PIGN: variants seen among roughly 807,000 people sequenced by gnomAD.
PIGN encodes the protein phosphatidylinositol glycan anchor biosynthesis class N, also known as GPI ethanolamine phosphate transferase 1.
PIGN carries 117 observed loss-of-function variants against 125.4 expected under a neutral mutation model. That is an observed-to-expected ratio of 0.93 (90% confidence interval 0.80 to 1.09). PIGN has a LOEUF of 1.09. Ranked by LOEUF, PIGN falls within the 50% of genes least tolerant of loss-of-function variation. PIGN has a pLI of 0.00. For missense variants in PIGN, 1,075 were observed against 1,094.9 expected (o/e 0.98, Z 0.26); for synonymous variants, 392 against 377.8 (o/e 1.04, Z -0.44).
intron 1 of PIGN, among the ~76,000 whole-genome samples, chr18:62,166,337 C>A (rs191449425): frequency 8.1e-4 from 124 of 152,360 alleles, no homozygotes; most frequent in Non-Finnish European, 1.6e-3. Context: ...TCTGATCACT[C>A]TGAAGTAGGC....
intron 29 of PIGN, among the ~76,000 whole-genome samples, chr18:62,073,735 C>G (rs1327583242): frequency 6.6e-6 from 1 of 152,130 alleles, no homozygotes; most frequent in Non-Finnish European, 1.5e-5. Context: ...TGGGAAGCTA[C>G]CCTTATTAGT....
chr18:62,055,636 C>T lies in PIGN; in HGVS notation c.2673-9657G>A, dbSNP rs555993192. Among the ~76,000 whole-genome samples the T allele has an allele frequency of 5.3e-5, 8 of 152,150 alleles. No homozygotes were observed. The South Asian group carries it at 1.7e-3, about 32-fold the overall frequency. On this transcript the variant is annotated intron_variant, in intron 30 of 30. Transcript: ENST00000640252. ...ATACTATAGTTCTGCATAAAGTTAC[C>T]ACTGGGGGGAAATAAGGTAGAGGGT...
chr18:62,102,211 G>C (rs1390493209), intron 21 of PIGN, among the ~76,000 whole-genome samples: 2 of 150,588 alleles, frequency 1.3e-5, no homozygotes, highest in Non-Finnish European at 3.0e-5. Flanking sequence ...TGGGTGACAG[G>C]AGTAAGACCT....
intron 17 of PIGN, 130 bp from the exon 18 acceptor site, chr18:62,107,215 T>C: frequency 1.5e-6 from 1 of 648,066 alleles, no homozygotes; most frequent in South Asian, 2.0e-5. Flanking sequence ...TAAAATAAGC[T>C]CTAACGGATT....
At position 62,051,479 on chromosome 18, in the gene PIGN, T is replaced by G. The variant is rs1278762683; in HGVS notation, c.2673-5500A>C. 2.3e-4 allele frequency among the ~76,000 whole-genome samples: 35 copies of G among 152,324 alleles called. 1 individual carries two copies. The South Asian group carries it at 7.0e-3, about 31-fold the overall frequency. On this transcript the variant is annotated intron_variant, in intron 30 of 30. Transcript: ENST00000640252. ...ATCCATTTCTTCTAGATTTTCTAGT[T>G]TATTTGCATAGAGGTGTTTGTAGTA...
At chr18:62,106,686 C>T (rs1420052110) in intron 19 of PIGN, 103 bp downstream of exon 19, 4 of 724,912 alleles carry the variant, frequency 5.5e-6, no homozygotes, top group Non-Finnish European at 9.3e-6. Context: ...TATGTAAGAA[C>T]ACATTCTACC....
intron 1 of PIGN, among the ~76,000 whole-genome samples, chr18:62,185,026 C>T (rs1289491352): frequency 6.6e-6 from 1 of 152,184 alleles, no homozygotes; most frequent in Non-Finnish European, 1.5e-5. Flanking sequence ...GGGATCTGAA[C>T]TTAAGCTTTT....
intron 27 of PIGN, 22 bp downstream of exon 27, chr18:62,084,509 A>G (rs1465389838): frequency 7.0e-7 from 1 of 1,420,064 alleles, no homozygotes; most frequent in Non-Finnish European, 9.7e-7. Context: ...CTTAAGACAA[A>G]TAACAAAATA....
At chr18:62,108,634 A>G (rs1310597673) in intron 17 of PIGN, among the ~76,000 whole-genome samples, 1 of 151,888 alleles carries the variant, frequency 6.6e-6, no homozygotes, top group Non-Finnish European at 1.5e-5. Context: ...TCTGTCGCTC[A>G]GGCTGGAGTG....
chr18:62,051,675 G>T (rs1218228710), intron 30 of PIGN: 2 of 152,010 alleles, frequency 1.3e-5, no homozygotes, highest in African/African-American at 4.8e-5. Context: ...TTAATTTTTT[G>T]AAGGGTTTTT....
Position 62,187,046 on chromosome 18 carries a change from C to A in PIGN, c.-438G>T. 6.5e-6 allele frequency: 1 copy of A among 153,536 alleles called. No homozygotes were observed. Among genetic ancestry groups the A allele is most frequent in the Non-Finnish European group, 1.5e-5 (1 of 68,888 alleles). 9.5% of individuals were successfully genotyped at this position (153,536 alleles called of 1,614,324 possible). ...ACCTGCCCGGCCGCTGCTGCTATCG[C>A]GATAATTCTCGGGCCAGTCTCCCGT... On this transcript the variant is annotated 5_prime_UTR_variant, in exon 1 of 31. Coordinates refer to ENST00000640252, the MANE Select transcript of PIGN (RefSeq NM_176787.5).
intron 30 of PIGN, among the ~76,000 whole-genome samples, chr18:62,056,090 T>A (rs1379444330): frequency 6.8e-6 from 1 of 146,264 alleles, no homozygotes; most frequent in South Asian, 2.2e-4. Flanking sequence ...GCAATTACTT[T>A]TGCACCAACC....
chr18:62,040,396 T>C (rs761148201), downstream of PIGN, among the ~76,000 whole-genome samples: 6 of 152,214 alleles, frequency 3.9e-5, no homozygotes, highest in Non-Finnish European at 5.9e-5. Context: ...TTGATGACCT[T>C]GGTAGTTTTG....
intron 20 of PIGN, among the ~76,000 whole-genome samples, chr18:62,104,789 T>G (rs549796667): frequency 6.6e-6 from 1 of 152,270 alleles, no homozygotes; most frequent in East Asian, 1.9e-4. Context: ...TATAGCATTC[T>G]GAAGAAAGTA....
At chr18:62,034,529 G>A (rs1043603845) in intron 23 of PIGN, among the ~76,000 whole-genome samples, 27 of 152,230 alleles carry the variant, frequency 1.8e-4, no homozygotes, top group Admixed American at 1.7e-3. Flanking sequence ...AACCACAGGG[G>A]TGGAGCTGCC....
chr18:62,154,657 A>G lies in PIGN; in HGVS notation c.443-6T>C, dbSNP rs1299664642. On this transcript the variant is annotated splice_polypyrimidine_tract_variant and splice_region_variant and intron_variant, in intron 6 of 30. Coordinates refer to ENST00000640252, the MANE Select transcript of PIGN (RefSeq NM_176787.5). ...AACGTGGTCTCCACTAGCACCTGAAAAGAAAATTTGGAAAAAATAATCTTT... is the reference window on the plus strand; with the variant it reads ...AACGTGGTCTCCACTAGCACCTGAAGAGAAAATTTGGAAAAAATAATCTTT... 6 of 1,299,192 alleles carry G rather than the reference A, an allele frequency of 4.6e-6. No individual in the cohort carries two copies. Among genetic ancestry groups the G allele is most frequent in the Non-Finnish European group, 6.6e-6 (6 of 903,944 alleles). The allele number at this position is 1,299,192 out of a possible 1,614,324, so 80.5% of individuals were successfully genotyped here.
At chr18:62,088,669 A>C in intron 25 of PIGN, 87 bp downstream of exon 25, 1 of 748,170 alleles carries the variant, frequency 1.3e-6, no homozygotes, top group Non-Finnish European at 2.4e-6. Flanking sequence ...ACCACTATTA[A>C]GTGATGGGCA....
At chr18:62,090,609 GA>G in intron 23 of PIGN, 31 bp from the exon 24 acceptor site, 2 of 1,291,566 alleles carry the variant, frequency 1.5e-6, no homozygotes, top group Non-Finnish European at 1.1e-6. Context: ...GAAATGAAAA[GA>G]AAAAAACAGT....
In PIGN at chr18:62,114,737, C is replaced by T. The variant is rs145877152; in HGVS notation, c.1173-98G>A. The T allele has an allele frequency of 7.4e-6, 4 of 543,624 alleles. No individual in the cohort carries two copies. In the Admixed American group the frequency reaches 1.6e-4, roughly 22 times the overall value. 33.7% of individuals were successfully genotyped at this position (543,624 alleles called of 1,614,324 possible). A position where few individuals can be genotyped will look rare whatever the true frequency, so the allele number is the denominator to read the frequency against. On this transcript the variant is annotated intron_variant, in intron 14 of 30. Coordinates refer to ENST00000640252, the MANE Select transcript of PIGN (RefSeq NM_176787.5). ...TAAAAAACAAAGATAGTGAAAATTA[C>T]AAAACAGCAAACAAAACAAAAATCA...
Sources: gnomAD v4.1 joint callset for allele counts (sites outside exome capture counted in the v4.1 genomes callset) on GRCh38, gnomAD v4.1.1 for gene constraint, MANE v1.5 for transcripts, NCBI Gene and HGNC (gene_info 2026-07-23, HGNC 2026-07-21) for gene names.